Variants in GNAO1 observed in about 807,000 individuals in gnomAD.
GNAO1 encodes the protein G protein subunit alpha o1.
For missense variants in GNAO1, 166 were observed against 478.7 expected (o/e 0.35, Z 6.10); for synonymous variants, 164 against 180.7 (o/e 0.91, Z 0.74).
intron 2 of GNAO1, among the ~76,000 whole-genome samples, chr16:56,223,291 C>G (rs1436497496): frequency 6.6e-6 from 1 of 152,206 alleles, no homozygotes; most frequent in Non-Finnish European, 1.5e-5. Context: ...CTAGAGGTGG[C>G]TGCCACATAT....
intron 6 of GNAO1, among the ~76,000 whole-genome samples, chr16:56,342,385 G>A (rs1388468659): frequency 1.3e-5 from 2 of 152,222 alleles, no homozygotes; most frequent in African/African-American, 4.8e-5. Context: ...CTGAACTCCA[G>A]CTCCCCTCCC....
intron 2 of GNAO1, among the ~76,000 whole-genome samples, chr16:56,258,077 A>G (rs145128240): frequency 8.6e-4 from 131 of 152,380 alleles, no homozygotes; most frequent in African/African-American, 2.5e-3. Flanking sequence ...CAAACAAAAT[A>G]CATCTCCCTG....
chr16:56,322,079 G>A (rs1260567635), intron 3 of GNAO1, among the ~76,000 whole-genome samples: 1 of 152,192 alleles, frequency 6.6e-6, no homozygotes, highest in Non-Finnish European at 1.5e-5. Context: ...TGGAAGGGGT[G>A]TGGGTCTTTG....
intron 2 of GNAO1, among the ~76,000 whole-genome samples, chr16:56,268,246 A>G (rs1202773877): frequency 6.6e-6 from 1 of 152,262 alleles, no homozygotes; most frequent in Non-Finnish European, 1.5e-5. Flanking sequence ...GGAACTCTTC[A>G]TGAGAAGGGA....
At chr16:56,346,500 G>A (rs924638333) in intron 6 of GNAO1, 16 of 985,246 alleles carry the variant, frequency 1.6e-5, no homozygotes, top group Admixed American at 6.1e-5. Context: ...TGTGACCTGC[G>A]CCGCTGACCA....
intron 7 of GNAO1, among the ~76,000 whole-genome samples, chr16:56,353,892 C>A (rs542934599): frequency 6.6e-6 from 1 of 152,346 alleles, no homozygotes; most frequent in Non-Finnish European, 1.5e-5. Flanking sequence ...TGCCCCTTGC[C>A]CCTTGTACAC....
chr16:56,196,214 A>G (rs2036231648), intron 2 of GNAO1, among the ~76,000 whole-genome samples: 1 of 152,052 alleles, frequency 6.6e-6, no homozygotes, highest in Non-Finnish European at 1.5e-5. Flanking sequence ...TTCAGTACTG[A>G]GAAATAAACA....
chr16:56,198,492 A>G (rs1056311911), intron 2 of GNAO1, among the ~76,000 whole-genome samples: 11 of 152,334 alleles, frequency 7.2e-5, no homozygotes, highest in Non-Finnish European at 1.2e-4. Context: ...GAGTTGGTTA[A>G]GAGCATAGAC....
chr16:56,220,410 A>G (rs2036473402), intron 2 of GNAO1, among the ~76,000 whole-genome samples: 1 of 152,192 alleles, frequency 6.6e-6, no homozygotes, highest in South Asian at 2.1e-4. Flanking sequence ...CCAGTATAAA[A>G]TGACATATGG....
At chr16:56,322,869 A>G (rs2037589596) in intron 3 of GNAO1, among the ~76,000 whole-genome samples, 1 of 152,196 alleles carries the variant, frequency 6.6e-6, no homozygotes, top group African/African-American at 2.4e-5. Context: ...CAAGCCTCAT[A>G]TTAAAATGCC....
intron 6 of GNAO1, among the ~76,000 whole-genome samples, chr16:56,350,067 CTGGTG>C (rs2037906804): frequency 6.6e-6 from 1 of 152,160 alleles, no homozygotes; most frequent in African/African-American, 2.4e-5. Flanking sequence ...GCCTCAGTGA[CTGGTG>C]TGGTCACTTC....
chr16:56,229,981 G>T (rs1297611925), intron 2 of GNAO1, among the ~76,000 whole-genome samples: 3 of 152,046 alleles, frequency 2.0e-5, no homozygotes, highest in Non-Finnish European at 4.4e-5. Flanking sequence ...CCAGAGTTGT[G>T]TTTTTTTAAC....
At chr16:56,337,488 C>G (rs781438166) in intron 6 of GNAO1, among the ~76,000 whole-genome samples, 2 of 152,200 alleles carry the variant, frequency 1.3e-5, no homozygotes, top group Non-Finnish European at 2.9e-5. Context: ...TTCTGTCTTG[C>G]GTCACATTCA....
chr16:56,294,112 C>A (rs1162479913), intron 3 of GNAO1, among the ~76,000 whole-genome samples: 3 of 152,082 alleles, frequency 2.0e-5, no homozygotes, highest in African/African-American at 7.2e-5. Context: ...ATGTGCTGAC[C>A]CCCAGTGTGC....
rs184731461 is a variant in GNAO1 at position 56,333,164 on chromosome 16, A to T, written c.465-1565A>T. Reference sequence around the variant, plus strand: ...GTTTAAGAGCGTGGGGTCTGGAGCCAGTCAGAACTGGGCTGGAATCCCAGC... The same window carrying T: ...GTTTAAGAGCGTGGGGTCTGGAGCCTGTCAGAACTGGGCTGGAATCCCAGC... On this transcript the variant is annotated intron_variant, in intron 4 of 8. Transcript: ENST00000262493. 1.6e-4 allele frequency among the ~76,000 whole-genome samples: 24 copies of T among 151,728 alleles called. No individual in the cohort carries two copies. The East Asian group carries it at 3.1e-3, about 20-fold the overall frequency.
At chr16:56,214,308 C>T (rs1443382909) in intron 2 of GNAO1, among the ~76,000 whole-genome samples, 1 of 152,128 alleles carries the variant, frequency 6.6e-6, no homozygotes, top group Non-Finnish European at 1.5e-5. Context: ...AGGAGCCTGG[C>T]CCCAGACCTC....
intron 3 of GNAO1, among the ~76,000 whole-genome samples, chr16:56,320,376 G>A (rs536066904): frequency 2.0e-4 from 30 of 152,294 alleles, no homozygotes; most frequent in Non-Finnish European, 3.1e-4. Context: ...AGTGCCCTCC[G>A]TTTGCTCACA....
intron 2 of GNAO1, among the ~76,000 whole-genome samples, chr16:56,195,147 A>G (rs1386262597): frequency 1.4e-5 from 2 of 146,504 alleles, no homozygotes; most frequent in Non-Finnish European, 3.0e-5. Context: ...CAGATTTTGT[A>G]GGTAAAACAA....
At chr16:56,283,246 T>C (rs2037131153) in intron 3 of GNAO1, among the ~76,000 whole-genome samples, 2 of 152,220 alleles carry the variant, frequency 1.3e-5, no homozygotes, top group African/African-American at 4.8e-5. Flanking sequence ...TCTGTTTCCA[T>C]GCTTTTTCAG....
Sources: allele counts gnomAD v4.1 joint callset (sites outside exome capture counted in the v4.1 genomes callset), GRCh38; gene constraint gnomAD v4.1.1; transcripts MANE v1.5; gene names NCBI Gene and HGNC (gene_info 2026-07-23, HGNC 2026-07-21).